Variants in SUSD5 observed in about 807,000 individuals in gnomAD.
SUSD5 encodes the protein sushi domain-containing protein 5.
In SUSD5, 33 loss-of-function variants were observed where a neutral mutation model predicts 29.5. The ratio of observed to expected loss-of-function variants is 1.12; its 90% CI spans 0.85 to 1.49. SUSD5 has a LOEUF of 1.49. Ranked by LOEUF, SUSD5 falls within the 40% of genes most tolerant of loss-of-function variation. SUSD5 has a pLI of 0.00. For synonymous variants in SUSD5, 308 were observed against 325.3 expected (o/e 0.95, Z 0.57); for missense variants, 776 against 800.6 (o/e 0.97, Z 0.37).
At position 33,204,310 on chromosome 3, in the gene SUSD5, TTTTG is replaced by T. The variant is rs375549892; in HGVS notation, c.409+3494_409+3497del. Among the ~76,000 whole-genome samples the T allele has an allele frequency of 0.04, 6,038 of 151,828 alleles. 338 individuals are homozygous for T. Among genetic ancestry groups the T allele is most frequent in the African/African-American group, 0.13 (5,451 of 41,308 alleles). On this transcript the variant is annotated intron_variant, in intron 3 of 4. Coordinates refer to ENST00000309558, the MANE Select transcript of SUSD5 (RefSeq NM_015551.2). The surrounding 1 kb of genome is among the most constrained non-coding windows in gnomAD (Gnocchi z 4.5). Reference sequence around the variant, plus strand: ...AAGCCACCATGCCCAGCCTGAGCTTTTTTGTTTGTTTGTTTGTTTGTTTGTTTTT... The same window carrying T: ...AAGCCACCATGCCCAGCCTGAGCTTTTTTGTTTGTTTGTTTGTTTGTTTTT...
At chr3:33,186,690 C>A (rs1257552938) in intron 3 of SUSD5, among the ~76,000 whole-genome samples, 1 of 152,000 alleles carries the variant, frequency 6.6e-6, no homozygotes, top group Admixed American at 6.6e-5. Context: ...CTCCCAAAGT[C>A]CTGGGATTAC....
At chr3:33,201,776 C>A (rs2032121635) in intron 3 of SUSD5, among the ~76,000 whole-genome samples, 1 of 152,200 alleles carries the variant, frequency 6.6e-6, no homozygotes, top group Non-Finnish European at 1.5e-5. Context: ...AGCTCTAGTA[C>A]AACGGCACAA....
chr3:33,163,245 C>T (rs1326819782), intron 4 of SUSD5, among the ~76,000 whole-genome samples: 2 of 152,108 alleles, frequency 1.3e-5, no homozygotes, highest in Non-Finnish European at 2.9e-5. Flanking sequence ...AAAGGAAATA[C>T]TGCAGACCAA....
chr3:33,214,507 C>T (rs1338198931), intron 1 of SUSD5, among the ~76,000 whole-genome samples: 1 of 152,070 alleles, frequency 6.6e-6, no homozygotes, highest in Non-Finnish European at 1.5e-5. Context: ...TTCTGCCTCC[C>T]TCAGCCCTAG....
At chr3:33,163,588 G>A (rs1019043340) in intron 4 of SUSD5, among the ~76,000 whole-genome samples, 9 of 152,160 alleles carry the variant, frequency 5.9e-5, no homozygotes, top group Admixed American at 1.3e-4. Context: ...TGGGCCAGGC[G>A]TGGTGGCTCA....
At chr3:33,176,244 C>A (rs982400553) in intron 3 of SUSD5, among the ~76,000 whole-genome samples, 3 of 152,274 alleles carry the variant, frequency 2.0e-5, no homozygotes, top group East Asian at 1.9e-4. Context: ...ATCTATTCAC[C>A]TACTGAAGTA....
intron 3 of SUSD5, among the ~76,000 whole-genome samples, chr3:33,191,606 GCTT>G (rs1419487908): frequency 1.3e-5 from 2 of 152,026 alleles, no homozygotes; most frequent in Non-Finnish European, 2.9e-5. Flanking sequence ...TAGTTTTTAA[GCTT>G]CTGATAAGTT....
chr3:33,183,957 A>C (rs1396145476), intron 3 of SUSD5, among the ~76,000 whole-genome samples: 2 of 34,628 alleles, frequency 5.8e-5, no homozygotes, highest in Admixed American at 6.9e-4. Flanking sequence ...TTTTTTTTTG[A>C]GATGGAGTCT....
chr3:33,191,841 C>G (rs1344385028), intron 3 of SUSD5, among the ~76,000 whole-genome samples: 1 of 152,006 alleles, frequency 6.6e-6, no homozygotes. Context: ...GCTACTCAGG[C>G]AGCTGAGGTG....
At chr3:33,213,724 A>G (rs1289385100) in intron 2 of SUSD5, among the ~76,000 whole-genome samples, 1 of 152,166 alleles carries the variant, frequency 6.6e-6, no homozygotes, top group Non-Finnish European at 1.5e-5. Flanking sequence ...CAGTGAGCCT[A>G]GATTGCACCA....
At position 33,207,933 on chromosome 3, in the gene SUSD5, T is replaced by G. The variant is rs781237484; in HGVS notation, c.291-7A>C. ...TTTGCTACACACAGTTGTTCTGAAA[T>G]AGACAAAAAAGGCACTGAATGAGGA... On this transcript the variant is annotated splice_polypyrimidine_tract_variant and splice_region_variant and intron_variant, in intron 2 of 4. Coordinates refer to ENST00000309558, the MANE Select transcript of SUSD5 (RefSeq NM_015551.2). 6.2e-7 allele frequency: 1 copy of G among 1,607,926 alleles called. No homozygotes were observed. Among genetic ancestry groups the G allele is most frequent in the Non-Finnish European group, 8.5e-7 (1 of 1,176,766 alleles).
At chr3:33,210,167 A>C (rs976385539) in intron 2 of SUSD5, among the ~76,000 whole-genome samples, 1 of 152,222 alleles carries the variant, frequency 6.6e-6, no homozygotes, top group African/African-American at 2.4e-5. Flanking sequence ...TCCTCAAAAC[A>C]TAATTTTTAT....
chr3:33,154,003 T>C lies in SUSD5; in HGVS notation c.629A>G (p.Asp210Gly). ...CACAGATCTGTCATCAGGGAAGTTA[T>C]CTTCATAGTCAATGTGTGCCTCAGC... The part of the protein sequence containing the change: ...DEAEAHIDYE[D>G]NFPDDRSVSF... The change falls in exon 5 of 5, where the codon GAT becomes GGT. Residue 210 changes from aspartate (D) to glycine (G), a missense_variant. By Grantham distance (94) the Asp-to-Gly change is moderately conservative. Transcript: ENST00000309558. The C allele has an allele frequency of 3.1e-6, 5 of 1,601,046 alleles. No homozygotes were observed. The South Asian group carries it at 3.4e-5, about 11-fold the overall frequency.
intron 4 of SUSD5, among the ~76,000 whole-genome samples, chr3:33,158,310 C>T (rs1041752082): frequency 1.3e-5 from 2 of 152,162 alleles, no homozygotes; most frequent in African/African-American, 4.8e-5. Flanking sequence ...TGTTGAAGGA[C>T]CAATTGAATA....
At chr3:33,174,643 A>C (rs556270817) in intron 4 of SUSD5, among the ~76,000 whole-genome samples, 2 of 152,310 alleles carry the variant, frequency 1.3e-5, no homozygotes, top group Admixed American at 1.3e-4. Flanking sequence ...AGAAGTGGGG[A>C]TTTTAACTTG....
intron 4 of SUSD5, among the ~76,000 whole-genome samples, chr3:33,156,284 C>G (rs1342229503): frequency 6.6e-6 from 1 of 152,094 alleles, no homozygotes; most frequent in Non-Finnish European, 1.5e-5. Flanking sequence ...TGTGATCCGC[C>G]CATCTCGGCC....
rs1196342459 is a variant in SUSD5 at position 33,153,825 on chromosome 3, G to A, written c.807C>T (p.Thr269=). 6.2e-7 allele frequency: 1 copy of A among 1,613,902 alleles called. No homozygotes were observed. The highest frequency in any genetic ancestry group is 1.3e-5 in the African/African-American group (1 of 74,940). ...NIARDKVFVP[T]TGLPGAGSSV... is the part of the protein sequence containing the mutation. ...TGCTCCCAGCACCAGGCAAGCCTGT[G>A]GTTGGCACAAAGACTTTATCCCGGG... Residue 269 remains threonine, a synonymous_variant, in exon 5 of 5, where the codon ACC becomes ACT. Coordinates refer to ENST00000309558, the MANE Select transcript of SUSD5 (RefSeq NM_015551.2).
chr3:33,195,100 CA>C (rs1178381568), intron 3 of SUSD5, among the ~76,000 whole-genome samples: 1 of 152,142 alleles, frequency 6.6e-6, no homozygotes, highest in Non-Finnish European at 1.5e-5. Context: ...GAGGCTGAGG[CA>C]GGAGAATCGC....
At chr3:33,179,606 C>T (rs890099048) in intron 3 of SUSD5, among the ~76,000 whole-genome samples, 1 of 152,160 alleles carries the variant, frequency 6.6e-6, no homozygotes, top group Non-Finnish European at 1.5e-5. Context: ...GGGTGCTACA[C>T]AGAAAGGTGG....
Sources: gnomAD v4.1 joint callset for allele counts (sites outside exome capture counted in the v4.1 genomes callset) on GRCh38, gnomAD v4.1.1 for gene constraint, Gnocchi (gnomAD v3.1) non-coding constraint, MANE v1.5 for transcripts, NCBI Gene and HGNC (gene_info 2026-07-23, HGNC 2026-07-21) for gene names.